MDGA2: variants seen among roughly 807,000 people sequenced by gnomAD.
The protein encoded by MDGA2 is MAM domain-containing glycosylphosphatidylinositol anchor protein 2.
MDGA2 carries 40 observed loss-of-function variants against 117.8 expected under a neutral mutation model. That is an observed-to-expected ratio of 0.34 (90% CI 0.26 to 0.44). The LOEUF (loss-of-function observed/expected upper bound fraction) is 0.44, where lower values mean the gene tolerates loss of function less well. MDGA2 is among the 20% of genes least tolerant of loss of function. The pLI, the probability that MDGA2 is intolerant of heterozygous loss-of-function variation, is 1.00. For synonymous variants in MDGA2, 452 were observed against 439.0 expected (o/e 1.03, Z -0.37); for missense variants, 1,123 against 1,250.6 (o/e 0.90, Z 1.54).
At chr14:46,935,883 G>GA (rs1884762353) in intron 9 of MDGA2, among the ~76,000 whole-genome samples, 1 of 152,064 alleles carries the variant, frequency 6.6e-6, no homozygotes, top group Non-Finnish European at 1.5e-5. Context: ...TTACTTGACA[G>GA]AACTGATTTA....
chr14:47,452,522 T>C (rs1400679740), intron 1 of MDGA2, among the ~76,000 whole-genome samples: 1 of 152,114 alleles, frequency 6.6e-6, no homozygotes, highest in Admixed American at 6.6e-5. Flanking sequence ...GCCACTGTAC[T>C]GGATTTCATA....
intron 1 of MDGA2, among the ~76,000 whole-genome samples, chr14:47,412,252 A>G (rs1892388811): frequency 6.6e-6 from 1 of 152,188 alleles, no homozygotes; most frequent in Non-Finnish European, 1.5e-5. Flanking sequence ...TATTTAGAAG[A>G]AAAACAAAAC....
intron 1 of MDGA2, among the ~76,000 whole-genome samples, chr14:47,455,758 A>G (rs1449640501): frequency 7.7e-6 from 1 of 130,474 alleles, no homozygotes; most frequent in Non-Finnish European, 1.6e-5. Flanking sequence ...GCACTTTAGG[A>G]GGCCTAGGTG....
At chr14:47,123,373 G>GA (rs1427613930) in intron 5 of MDGA2, among the ~76,000 whole-genome samples, 1 of 151,948 alleles carries the variant, frequency 6.6e-6, no homozygotes, top group Non-Finnish European at 1.5e-5. Flanking sequence ...ACTGCCTTAG[G>GA]AAAACCAAAG....
chr14:47,298,001 T>C (rs375575439), intron 2 of MDGA2, among the ~76,000 whole-genome samples: 2 of 152,198 alleles, frequency 1.3e-5, no homozygotes, highest in Non-Finnish European at 2.9e-5. Flanking sequence ...TGTGTTTGTA[T>C]ATATATGAAT....
intron 8 of MDGA2, among the ~76,000 whole-genome samples, chr14:46,958,481 C>T (rs4898560): frequency 2.3e-4 from 28 of 120,354 alleles, no homozygotes; most frequent in African/African-American, 1.1e-3. Context: ...TAATTTTTTT[C>T]TTTGGAAAAA....
intron 7 of MDGA2, among the ~76,000 whole-genome samples, chr14:47,048,708 A>G (rs1294538698): frequency 1.3e-5 from 2 of 152,218 alleles, no homozygotes; most frequent in South Asian, 2.1e-4. Context: ...CAGTGAACAC[A>G]ATGTTCCATC....
At chr14:47,350,551 C>T (rs1413101678) in intron 1 of MDGA2, among the ~76,000 whole-genome samples, 1 of 152,040 alleles carries the variant, frequency 6.6e-6, no homozygotes, top group Non-Finnish European at 1.5e-5. Flanking sequence ...ATTTTTGTAA[C>T]AGACATCGTG....
chr14:47,473,589 G>A lies in MDGA2; in HGVS notation c.281-172039C>T, dbSNP rs577430412. ...TGAAGAAAATTGAAAAGCAAAAGAC[G>A]GGGACTGCAAAATAAAGAGTGAAAA... is the stretch of plus-strand genomic sequence containing the variant. On this transcript the variant is annotated intron_variant, in intron 1 of 16. Transcript: ENST00000399232. Among the ~76,000 whole-genome samples the A allele has an allele frequency of 2.4e-4, 36 of 151,818 alleles. No homozygotes were observed. The South Asian group carries it at 6.5e-3, about 27-fold the overall frequency.
chr14:47,632,259 C>T (rs1320371045), intron 1 of MDGA2, among the ~76,000 whole-genome samples: 1 of 152,166 alleles, frequency 6.6e-6, no homozygotes, highest in Non-Finnish European at 1.5e-5. Flanking sequence ...GCCATGAATT[C>T]ACTCCCATCC....
intron 1 of MDGA2, among the ~76,000 whole-genome samples, chr14:47,566,092 C>G (rs1474178451): frequency 1.3e-5 from 2 of 152,196 alleles, no homozygotes; most frequent in East Asian, 3.9e-4. Flanking sequence ...TTTGCCTGCA[C>G]ATATGCACAC....
intron 2 of MDGA2, among the ~76,000 whole-genome samples, chr14:47,225,924 C>T (rs1378181134): frequency 6.6e-6 from 1 of 152,058 alleles, no homozygotes; most frequent in Non-Finnish European, 1.5e-5. Flanking sequence ...ACCACCACTA[C>T]TACTACTAAG....
intron 1 of MDGA2, among the ~76,000 whole-genome samples, chr14:47,577,692 A>G (rs1896141360): frequency 2.0e-5 from 3 of 152,182 alleles, no homozygotes; most frequent in African/African-American, 7.2e-5. Context: ...AAAAAGCTCA[A>G]CATCACTGAT....
intron 5 of MDGA2, among the ~76,000 whole-genome samples, chr14:47,121,905 T>C (rs1881671328): frequency 6.6e-6 from 1 of 152,044 alleles, no homozygotes. Context: ...TGTCAGTTAA[T>C]TTTTAAGAAA....
rs549189276 is a variant in MDGA2, at chr14:47,615,302, T to C, written c.280+59215A>G. ...ACCAAAATAGTGATTTTAACCATTC[T>C]ATAATAACATTTTACTAAAAATCAA... On this transcript the variant is annotated intron_variant, in intron 1 of 16. Coordinates refer to ENST00000399232, the MANE Select transcript of MDGA2 (RefSeq NM_001113498.3). 2.6e-5 allele frequency among the ~76,000 whole-genome samples: 4 copies of C among 152,320 alleles called. No homozygotes were observed. The South Asian group carries it at 8.3e-4, about 32-fold the overall frequency.
Position 47,100,136 on chromosome 14 carries a change from ATAAT to A in MDGA2, c.926-3017_926-3014del, listed in dbSNP as rs564342071. Among the ~76,000 whole-genome samples, 494 of 152,200 alleles carry A rather than the reference ATAAT, an allele frequency of 3.2e-3. 7 individuals carry two copies. The highest frequency in any genetic ancestry group is 0.01 in the African/African-American group (436 of 41,572). ...AAATACATCTCTACATTTCAAATAA[ATAAT>A]TATTAATTTTGTTTTATAATATTTT... On this transcript the variant is annotated intron_variant, in intron 5 of 16. Transcript: ENST00000399232.
At chr14:47,215,503 T>A (rs1886053279) in intron 3 of MDGA2, among the ~76,000 whole-genome samples, 1 of 152,126 alleles carries the variant, frequency 6.6e-6, no homozygotes, top group Non-Finnish European at 1.5e-5. Context: ...AAGGTTGTAT[T>A]TGGAGCACAT....
intron 14 of MDGA2, among the ~76,000 whole-genome samples, chr14:46,864,316 T>C (rs1239763394): frequency 6.6e-6 from 1 of 150,882 alleles, no homozygotes; most frequent in African/African-American, 2.4e-5. Flanking sequence ...CTAAATAATG[T>C]TGACTTACAA....
intron 1 of MDGA2, among the ~76,000 whole-genome samples, chr14:47,450,154 A>G (rs1051783263): frequency 6.6e-6 from 1 of 151,966 alleles, no homozygotes; most frequent in Non-Finnish European, 1.5e-5. Context: ...TTTAGTACAG[A>G]TAGCTTTTTA....
Sources: gnomAD v4.1 joint callset for allele counts (sites outside exome capture counted in the v4.1 genomes callset) on GRCh38, gnomAD v4.1.1 for gene constraint, MANE v1.5 for transcripts, NCBI Gene and HGNC (gene_info 2026-07-23, HGNC 2026-07-21) for gene names.